SLC8A3: variants seen among roughly 807,000 people sequenced by gnomAD.
SLC8A3 encodes the protein solute carrier family 8 member A3, also known as sodium/calcium exchanger 3.
In SLC8A3, 37 loss-of-function variants were observed where a neutral mutation model predicts 65.4. The ratio of observed to expected loss-of-function variants is 0.57; its 90% CI spans 0.44 to 0.74. The LOEUF is 0.74. Ranked by LOEUF, SLC8A3 falls within the 30% of genes least tolerant of loss-of-function variation. The probability of loss-of-function intolerance (pLI) is 0.00; values close to 1 mark genes in which losing one functional copy is unlikely to be tolerated. For missense variants in SLC8A3, 1,112 were observed against 1,172.1 expected (o/e 0.95, Z 0.75); for synonymous variants, 461 against 444.5 (o/e 1.04, Z -0.47).
intron 2 of SLC8A3, among the ~76,000 whole-genome samples, chr14:70,150,613 G>A (rs1309705771): frequency 1.3e-5 from 2 of 152,142 alleles, no homozygotes; most frequent in South Asian, 2.1e-4. Context: ...GTCACAGACA[G>A]CCATAGCTTG....
chr14:70,134,541 T>C (rs552517347), intron 2 of SLC8A3, among the ~76,000 whole-genome samples: 1 of 152,312 alleles, frequency 6.6e-6, no homozygotes, highest in South Asian at 2.1e-4. Flanking sequence ...CCTCATCCCA[T>C]GTCCAATCCA....
At chr14:70,127,900 A>G (rs1282941486) in intron 2 of SLC8A3, among the ~76,000 whole-genome samples, 1 of 152,092 alleles carries the variant, frequency 6.6e-6, no homozygotes, top group Non-Finnish European at 1.5e-5. Context: ...TATCTTCTAT[A>G]TCACCTCCAT....
At chr14:70,175,550 C>T (rs753425333) in intron 1 of SLC8A3, among the ~76,000 whole-genome samples, 8 of 152,052 alleles carry the variant, frequency 5.3e-5, no homozygotes, top group Non-Finnish European at 8.8e-5. Context: ...GGAAGCCTTC[C>T]CCGAAAATGC....
In SLC8A3 at chr14:70,143,514, G is replaced by A. The variant is rs537789364; in HGVS notation, c.1784+23125C>T. Among the ~76,000 whole-genome samples the A allele has an allele frequency of 4.6e-5, 7 of 152,242 alleles. No individual in the cohort carries two copies. The South Asian group carries it at 6.2e-4, about 14-fold the overall frequency. Reference sequence around the variant, plus strand: ...GGCAAGGGTTCTCAATCACAGCTACGTATCAGAATCACCTGGAGTGCTTAA... The same window carrying A: ...GGCAAGGGTTCTCAATCACAGCTACATATCAGAATCACCTGGAGTGCTTAA... On this transcript the variant is annotated intron_variant, in intron 2 of 6. Transcript: ENST00000356921.
intron 2 of SLC8A3, among the ~76,000 whole-genome samples, chr14:70,152,051 G>A (rs769613181): frequency 2.0e-5 from 3 of 152,170 alleles, no homozygotes; most frequent in Non-Finnish European, 4.4e-5. Context: ...AGTACAGCTT[G>A]CCAATGGCAT....
chr14:70,059,800 G>C (rs1354739127), intron 3 of SLC8A3, among the ~76,000 whole-genome samples: 1 of 152,106 alleles, frequency 6.6e-6, no homozygotes, highest in African/African-American at 2.4e-5. Context: ...AGCACCAACT[G>C]CATCATTTAG....
chr14:70,132,542 G>A (rs1261796061), intron 2 of SLC8A3, among the ~76,000 whole-genome samples: 1 of 152,172 alleles, frequency 6.6e-6, no homozygotes, highest in Non-Finnish European at 1.5e-5. Flanking sequence ...GGGCAAGCAG[G>A]TGGGCTCTGG....
intron 2 of SLC8A3, among the ~76,000 whole-genome samples, chr14:70,091,990 G>A (rs756545850): frequency 5.3e-5 from 8 of 152,106 alleles, no homozygotes; most frequent in South Asian, 2.1e-4. Flanking sequence ...TTCTCACCAC[G>A]TTACTTCCTA....
intron 2 of SLC8A3, among the ~76,000 whole-genome samples, chr14:70,157,270 G>A (rs935534947): frequency 6.6e-6 from 1 of 152,184 alleles, no homozygotes; most frequent in African/African-American, 2.4e-5. Flanking sequence ...TCCCTTCTAA[G>A]TGACTCTGTC....
At position 70,046,446 on chromosome 14, in the gene SLC8A3, T is replaced by A; in HGVS notation, c.2390-123A>T. On this transcript the variant is annotated intron_variant, in intron 6 of 6. Coordinates refer to ENST00000356921, the MANE Select transcript of SLC8A3 (RefSeq NM_182932.3). This position sits in a 1 kb window ranked among gnomAD's most constrained non-coding sequence, Gnocchi z 4.2. The stretch of plus-strand genomic sequence containing the variant: ...GAACCCAGGAATGAGAGACAAGGGC[T>A]AGGGGGCCACTCCTAACTCCTAGTT... 1.0e-6 allele frequency: 1 copy of A among 976,840 alleles called. No individual in the cohort carries two copies. Among genetic ancestry groups the A allele is most frequent in the Non-Finnish European group, 1.5e-6 (1 of 673,176 alleles). The allele number at this position is 976,840 out of a possible 1,614,324, so 60.5% of individuals were successfully genotyped here.
At chr14:70,100,201 T>C (rs1413930224) in intron 2 of SLC8A3, among the ~76,000 whole-genome samples, 1 of 152,178 alleles carries the variant, frequency 6.6e-6, no homozygotes, top group Non-Finnish European at 1.5e-5. Context: ...AGCCAAAGTG[T>C]TGCTTAGAAG....
intron 2 of SLC8A3, among the ~76,000 whole-genome samples, chr14:70,154,431 T>A (rs755345768): frequency 1.1e-4 from 17 of 152,150 alleles, no homozygotes; most frequent in Non-Finnish European, 2.1e-4. Flanking sequence ...CTCTTAGAGG[T>A]TCTTAACAAT....
rs1455266648 is a variant in SLC8A3, at chr14:70,046,193, G to A, written c.2520C>T (p.Tyr840=). ...IGLAWSVAAI[Y]WALQGQEFHV... The stretch of plus-strand genomic sequence containing the variant: ...GGAACTCCTGTCCCTGCAGAGCCCA[G>A]TAGATGGCGGCCACGGACCAGGCCA... Residue 840 remains tyrosine (Y), a synonymous_variant, in exon 7 of 7, where the codon TAC becomes TAT. Transcript: ENST00000356921. The surrounding 1 kb of genome is among the most constrained non-coding windows in gnomAD (Gnocchi z 4.2). The A allele has an allele frequency of 3.1e-6, 5 of 1,614,116 alleles. No individual in the cohort carries two copies. Among genetic ancestry groups the A allele is most frequent in the African/African-American group, 1.3e-5 (1 of 74,946 alleles).
At chr14:70,135,524 T>C (rs1296568131) in intron 2 of SLC8A3, among the ~76,000 whole-genome samples, 3 of 152,128 alleles carry the variant, frequency 2.0e-5, no homozygotes, top group African/African-American at 7.2e-5. Context: ...ATAAAGAAGA[T>C]ATGATATACA....
In SLC8A3 at chr14:70,067,915, C is replaced by T. The variant is rs771521895; in HGVS notation, c.1785-6976G>A. 8.9e-4 allele frequency among the ~76,000 whole-genome samples: 136 copies of T among 152,290 alleles called. 1 individual carries two copies. Among genetic ancestry groups the T allele is most frequent in the Non-Finnish European group, 1.6e-3 (108 of 68,030 alleles). ...CATGGGGACAGATTATCCTGAGCAG[C>T]TACTCCTAGAGCCAGTAATGCTGTC... On this transcript the variant is annotated intron_variant, in intron 2 of 6. Coordinates refer to ENST00000356921, the MANE Select transcript of SLC8A3 (RefSeq NM_182932.3).
At chr14:70,155,891 C>T (rs1389366593) in intron 2 of SLC8A3, among the ~76,000 whole-genome samples, 1 of 152,202 alleles carries the variant, frequency 6.6e-6, no homozygotes, top group Non-Finnish European at 1.5e-5. Context: ...ACTCAACCCC[C>T]AAAATAGAAA....
At chr14:70,051,855 A>G in intron 4 of SLC8A3, 135 bp downstream of exon 4, 1 of 666,640 alleles carries the variant, frequency 1.5e-6, no homozygotes, top group East Asian at 2.8e-5. Context: ...GGAAACTGAG[A>G]CCTGGGGTGG....
chr14:70,097,741 C>T (rs1014958736), intron 2 of SLC8A3, among the ~76,000 whole-genome samples: 5 of 152,050 alleles, frequency 3.3e-5, no homozygotes, highest in Non-Finnish European at 7.4e-5. Flanking sequence ...CATGCACACA[C>T]ACTCCAACAA....
intron 2 of SLC8A3, among the ~76,000 whole-genome samples, chr14:70,111,122 C>T (rs79367598): frequency 0.086 from 13,126 of 152,240 alleles, 1,261 homozygotes; most frequent in African/African-American, 0.24. Flanking sequence ...TAATTTACAT[C>T]CTCACCAACA....
Sources: gnomAD v4.1 joint callset for allele counts (sites outside exome capture counted in the v4.1 genomes callset) on GRCh38, gnomAD v4.1.1 for gene constraint, Gnocchi (gnomAD v3.1) non-coding constraint, MANE v1.5 for transcripts, NCBI Gene and HGNC (gene_info 2026-07-23, HGNC 2026-07-21) for gene names.